The following THSD4 variants were observed in gnomAD, a reference collection of about 807,000 sequenced individuals.
The protein encoded by THSD4 is thrombospondin type 1 domain containing 4.
A neutral mutation model predicts 119.0 loss-of-function variants in THSD4; 69 were observed. The ratio of observed to expected loss-of-function variants is 0.58; its 90% CI spans 0.48 to 0.71. The LOEUF (loss-of-function observed/expected upper bound fraction) is 0.71. Among genes scored for constraint, THSD4 ranks in the 30% least tolerant of loss-of-function variants. The pLI is 0.00. For missense variants in THSD4, 1,393 were observed against 1,391.1 expected, an observed-to-expected ratio of 1.00 and a Z score of -0.02; for synonymous variants, 524 against 540.4, an observed-to-expected ratio of 0.97 and a Z score of 0.42.
At chr15:71,440,020 TAAA>T (rs200776619) in intron 7 of THSD4, among the ~76,000 whole-genome samples, 1 of 151,858 alleles carries the variant, frequency 6.6e-6, no homozygotes, top group Non-Finnish European at 1.5e-5. Context: ...ATAATAATAA[TAAA>T]AAAAGAATAT....
At chr15:71,627,539 A>G (rs2050533046) in intron 7 of THSD4, among the ~76,000 whole-genome samples, 1 of 152,188 alleles carries the variant, frequency 6.6e-6, no homozygotes, top group African/African-American at 2.4e-5. Flanking sequence ...GGTATCAAAT[A>G]ACCAGTTACT....
chr15:71,157,499 T>C (rs1483298375), intron 3 of THSD4, among the ~76,000 whole-genome samples: 2 of 152,022 alleles, frequency 1.3e-5, no homozygotes, highest in Non-Finnish European at 2.9e-5. Context: ...TTGTCATATA[T>C]AATACCTTAC....
intron 2 of THSD4, among the ~76,000 whole-genome samples, chr15:71,152,131 G>A (rs1190031867): frequency 6.6e-6 from 1 of 152,068 alleles, no homozygotes; most frequent in African/African-American, 2.4e-5. Context: ...TATATTAAAA[G>A]GAAAGTCTAG....
intron 6 of THSD4, among the ~76,000 whole-genome samples, chr15:71,346,045 G>A (rs180687161): frequency 1.3e-5 from 2 of 152,258 alleles, no homozygotes; most frequent in Non-Finnish European, 2.9e-5. Context: ...AGTTTCACCA[G>A]TTGTCCTGAG....
intron 7 of THSD4, among the ~76,000 whole-genome samples, chr15:71,625,732 C>A (rs1431502577): frequency 6.6e-6 from 1 of 152,016 alleles, no homozygotes; most frequent in African/African-American, 2.4e-5. Flanking sequence ...ATATTCCAAG[C>A]ACTGTGCTCA....
At chr15:71,439,578 G>A (rs2047061957) in intron 7 of THSD4, among the ~76,000 whole-genome samples, 1 of 152,124 alleles carries the variant, frequency 6.6e-6, no homozygotes, top group Admixed American at 6.5e-5. Context: ...GTTTATTGCA[G>A]CACTACTCAC....
intron 7 of THSD4, among the ~76,000 whole-genome samples, chr15:71,528,770 C>T (rs2048565999): frequency 1.3e-5 from 2 of 152,260 alleles, no homozygotes; most frequent in Middle Eastern, 6.8e-3. Flanking sequence ...CCTGACTGGC[C>T]TTAGATGAAG....
rs2052915471 is a variant in THSD4, at chr15:71,728,743, G to A, written c.1533+19G>A. 2 of 1,613,144 alleles carry A rather than the reference G, an allele frequency of 1.2e-6. No homozygotes were observed. The highest frequency in any genetic ancestry group is 1.7e-6 in the Non-Finnish European group (2 of 1,179,832). ...TGTCTACGTGAGTTTGGATGTTTCT[G>A]GACTGTTCTTTGGATTTTGAATCTT... On this transcript the variant is annotated intron_variant, in intron 9 of 17. Transcript: ENST00000261862.
chr15:71,546,235 G>A (rs1266490671), intron 7 of THSD4, among the ~76,000 whole-genome samples: 2 of 151,922 alleles, frequency 1.3e-5, no homozygotes, highest in African/African-American at 4.8e-5. Context: ...CTAATTCCAG[G>A]ACCTCAGGGT....
intron 7 of THSD4, among the ~76,000 whole-genome samples, chr15:71,508,860 T>G (rs2140750349): frequency 6.6e-6 from 1 of 152,200 alleles, no homozygotes; most frequent in South Asian, 2.1e-4. Context: ...TACAACTGCT[T>G]GCTTTGAAAA....
intron 7 of THSD4, among the ~76,000 whole-genome samples, chr15:71,563,602 C>T (rs1353744511): frequency 6.9e-6 from 1 of 145,868 alleles, no homozygotes; most frequent in African/African-American, 2.5e-5. Context: ...ATAAAGACAA[C>T]ACACTGAAGT....
chr15:71,356,590 G>A (rs2045814371), intron 6 of THSD4, among the ~76,000 whole-genome samples: 1 of 152,128 alleles, frequency 6.6e-6, no homozygotes, highest in African/African-American at 2.4e-5. Flanking sequence ...GAGAAAAGGA[G>A]GGGAGGAAAG....
intron 7 of THSD4, among the ~76,000 whole-genome samples, chr15:71,597,238 C>A (rs969202915): frequency 2.6e-5 from 4 of 152,150 alleles, no homozygotes; most frequent in African/African-American, 9.7e-5. Context: ...CCGGAATCTC[C>A]TGTCTCAAGT....
chr15:71,533,533 ATTAT>A (rs2048646571), intron 7 of THSD4, among the ~76,000 whole-genome samples: 1 of 152,248 alleles, frequency 6.6e-6, no homozygotes, highest in African/African-American at 2.4e-5. Context: ...AAATGTTTAC[ATTAT>A]TTAAGATTTT....
chr15:71,574,079 T>C (rs1309839832), intron 7 of THSD4, among the ~76,000 whole-genome samples: 1 of 152,216 alleles, frequency 6.6e-6, no homozygotes, highest in Non-Finnish European at 1.5e-5. Flanking sequence ...TCTAGCTCAC[T>C]ACTGTATCGC....
Position 71,242,872 on chromosome 15 carries a change from G to A in THSD4, c.688G>A (p.Gly230Ser), listed in dbSNP as rs752711217. The change falls in exon 5 of 18, where the codon GGC becomes AGC. Residue 230 changes from glycine to serine, a missense_variant. Transcript: ENST00000261862. Reference protein sequence around the residue: ...QHGPLYQSDSGPRSGLQAAEA... With the variant: ...QHGPLYQSDSSPRSGLQAAEA... ...TGGGCCTTTGTACCAAAGTGACAGT[G>A]GCCCTCGCTCTGGACTGCAGGCTGC... is the stretch of plus-strand genomic sequence containing the variant. 1 of 1,614,160 alleles carries A rather than the reference G, an allele frequency of 6.2e-7. No individual in the cohort carries two copies. The highest frequency in any genetic ancestry group is 8.5e-7 in the Non-Finnish European group (1 of 1,180,030).
At chr15:71,229,613 C>T (rs1366569692) in intron 4 of THSD4, among the ~76,000 whole-genome samples, 1 of 152,064 alleles carries the variant, frequency 6.6e-6, no homozygotes, top group Non-Finnish European at 1.5e-5. Flanking sequence ...CCATTTTTTT[C>T]ACAATATTTT....
At chr15:71,410,901 A>T (rs563618061) in intron 6 of THSD4, among the ~76,000 whole-genome samples, 2 of 152,136 alleles carry the variant, frequency 1.3e-5, no homozygotes, top group Admixed American at 1.3e-4. Context: ...ACACAAAATT[A>T]GCTGGCTGTG....
At chr15:71,312,337 GGTGGAGT>G (rs1197298512) in intron 6 of THSD4, among the ~76,000 whole-genome samples, 2 of 152,018 alleles carry the variant, frequency 1.3e-5, no homozygotes, top group African/African-American at 4.8e-5. Flanking sequence ...CGAGGCAGGG[GGTGGAGT>G]GGGGAGTGGG....
Sources: allele counts gnomAD v4.1 joint callset (sites outside exome capture counted in the v4.1 genomes callset), GRCh38; gene constraint gnomAD v4.1.1; transcripts MANE v1.5; gene names NCBI Gene and HGNC (gene_info 2026-07-23, HGNC 2026-07-21).